Variants in NLGN1 observed in about 807,000 individuals in gnomAD.
NLGN1 encodes the protein neuroligin-1.
NLGN1 carries 12 observed loss-of-function variants against 65.5 expected under a neutral mutation model. The observed-to-expected ratio is 0.18, with a 90% CI of 0.12 to 0.30. NLGN1 has a LOEUF of 0.30. NLGN1 is among the 10% of genes least tolerant of loss of function. NLGN1 has a pLI of 1.00. For missense variants in NLGN1, 750 were observed against 1,007.1 expected (o/e 0.74, Z 3.46); for synonymous variants, 350 against 359.5 (o/e 0.97, Z 0.30).
chr3:174,206,308 C>T (rs945907539), intron 4 of NLGN1, among the ~76,000 whole-genome samples: 3 of 152,208 alleles, frequency 2.0e-5, no homozygotes, highest in Non-Finnish European at 4.4e-5. Flanking sequence ...AAATCAGATA[C>T]TGGGCTCGAG....
chr3:174,205,928 C>T (rs985205092), intron 4 of NLGN1, among the ~76,000 whole-genome samples: 2 of 152,138 alleles, frequency 1.3e-5, no homozygotes, highest in Non-Finnish European at 2.9e-5. Context: ...ATTCAGTGCC[C>T]AGCAACCAGA....
intron 4 of NLGN1, among the ~76,000 whole-genome samples, chr3:174,265,553 G>A (rs916170107): frequency 6.6e-5 from 10 of 151,670 alleles, no homozygotes; most frequent in African/African-American, 1.2e-4. Context: ...CACGGTGCGC[G>A]CACCCACTGA....
intron 4 of NLGN1, among the ~76,000 whole-genome samples, chr3:173,943,707 C>T (rs1746582917): frequency 6.6e-6 from 1 of 152,118 alleles, no homozygotes; most frequent in African/African-American, 2.4e-5. Context: ...ATTTTCTTCC[C>T]TGCCATTTTA....
At position 173,874,734 on chromosome 3, in the gene NLGN1, C is replaced by T. The variant is rs138208852; in HGVS notation, c.646+66902C>T. On this transcript the variant is annotated intron_variant, in intron 4 of 6. Coordinates refer to ENST00000457714, the Ensembl canonical transcript of NLGN1. ...AGAGAAATAATAACAGCATGATCTC[C>T]ACTGTATAAAAAGCTTAGGATTAGA... 4.2e-3 allele frequency among the ~76,000 whole-genome samples: 635 copies of T among 152,196 alleles called. 3 individuals are homozygous for T. The highest frequency in any genetic ancestry group is 6.5e-3 in the Admixed American group (100 of 15,280).
chr3:174,209,987 T>G lies in NLGN1; in HGVS notation c.647-65328T>G, dbSNP rs150650560. Among the ~76,000 whole-genome samples the G allele has an allele frequency of 2.6e-3, 392 of 152,260 alleles. 3 individuals carry two copies. The highest frequency in any genetic ancestry group is 8.9e-3 in the African/African-American group (368 of 41,558). ...CACCCTCATCCAAACCACAATGTCCTGGGCACCTTGGCATTATCTTTCTTT... is the reference window on the plus strand; with the variant it reads ...CACCCTCATCCAAACCACAATGTCCGGGGCACCTTGGCATTATCTTTCTTT... On this transcript the variant is annotated intron_variant, in intron 4 of 6. Transcript: ENST00000457714.
intron 2 of NLGN1, among the ~76,000 whole-genome samples, chr3:173,600,581 TA>T (rs1750333859): frequency 6.8e-6 from 1 of 147,820 alleles, no homozygotes; most frequent in Non-Finnish European, 1.5e-5. Flanking sequence ...AAGGTAGAAA[TA>T]AAAACATATC....
intron 4 of NLGN1, among the ~76,000 whole-genome samples, chr3:173,836,813 G>C (rs900522849): frequency 5.3e-5 from 8 of 152,266 alleles, no homozygotes; most frequent in Non-Finnish European, 7.4e-5. Flanking sequence ...AGTTAGAAGA[G>C]TGTGGCATTT....
chr3:173,494,026 A>T (rs1047272685), intron 2 of NLGN1, among the ~76,000 whole-genome samples: 4 of 151,416 alleles, frequency 2.6e-5, no homozygotes, highest in Non-Finnish European at 4.4e-5. Flanking sequence ...TATAATCCAG[A>T]CTTCTCTGGT....
chr3:173,566,435 G>C (rs1203483270), intron 2 of NLGN1, among the ~76,000 whole-genome samples: 1 of 152,062 alleles, frequency 6.6e-6, no homozygotes, highest in Non-Finnish European at 1.5e-5. Context: ...AATGATTTGG[G>C]AATTAAATAA....
chr3:173,878,162 C>A lies in NLGN1; in HGVS notation c.646+70330C>A, dbSNP rs543128252. Among the ~76,000 whole-genome samples, 15 of 152,176 alleles carry A rather than the reference C, an allele frequency of 9.9e-5. 1 individual carries two copies. Among genetic ancestry groups the A allele is most frequent in the African/African-American group, 2.9e-4 (12 of 41,528 alleles). On this transcript the variant is annotated intron_variant, in intron 4 of 6. Coordinates refer to ENST00000457714, the Ensembl canonical transcript of NLGN1. ...GTTCAAGCGATTCTCCTGCCTCAGCCTCCCAAGTAGCTAGGACTACAGGTG... is the reference window on the plus strand; with the variant it reads ...GTTCAAGCGATTCTCCTGCCTCAGCATCCCAAGTAGCTAGGACTACAGGTG...
At chr3:173,590,015 G>C (rs1474801011) in intron 2 of NLGN1, among the ~76,000 whole-genome samples, 1 of 152,090 alleles carries the variant, frequency 6.6e-6, no homozygotes, top group Admixed American at 6.5e-5. Context: ...ATTATCATTA[G>C]TAAAAGTTTT....
intron 4 of NLGN1, among the ~76,000 whole-genome samples, chr3:174,218,441 T>C (rs922333969): frequency 1.2e-4 from 19 of 152,054 alleles, no homozygotes; most frequent in African/African-American, 4.6e-4. Context: ...ATTTCTTGAT[T>C]CACCCAATAT....
chr3:173,694,691 A>G (rs1430857363), intron 3 of NLGN1, among the ~76,000 whole-genome samples: 2 of 152,150 alleles, frequency 1.3e-5, no homozygotes, highest in Non-Finnish European at 2.9e-5. Flanking sequence ...TCCAGCCTTC[A>G]TTGTAAATTG....
At chr3:174,015,570 G>C (rs1277013567) in intron 4 of NLGN1, among the ~76,000 whole-genome samples, 1 of 152,112 alleles carries the variant, frequency 6.6e-6, no homozygotes, top group Non-Finnish European at 1.5e-5. Flanking sequence ...TATGAATGTT[G>C]GGGGAACACA....
chr3:173,904,919 G>A (rs899439858), intron 4 of NLGN1, among the ~76,000 whole-genome samples: 1 of 152,140 alleles, frequency 6.6e-6, no homozygotes, highest in African/African-American at 2.4e-5. Flanking sequence ...CCAAGGGAGA[G>A]GGCCAACCTG....
chr3:174,212,717 A>G (rs1736919528), intron 4 of NLGN1, among the ~76,000 whole-genome samples: 1 of 152,246 alleles, frequency 6.6e-6, no homozygotes, highest in African/African-American at 2.4e-5. Flanking sequence ...AAACAACACA[A>G]AGTTATTTTA....
At chr3:173,917,870 T>TGTGTGTGTG (rs10530688) in intron 4 of NLGN1, among the ~76,000 whole-genome samples, 80 of 152,016 alleles carry the variant, frequency 5.3e-4, no homozygotes, top group African/African-American at 1.6e-3. Flanking sequence ...TGTGTGTGTG[T>TGTGTGTGTG]TGGCCTTTAT....
In NLGN1 at chr3:173,905,705, A is replaced by G. The variant is rs187911447; in HGVS notation, c.646+97873A>G. On this transcript the variant is annotated intron_variant, in intron 4 of 6. Coordinates refer to ENST00000457714, the Ensembl canonical transcript of NLGN1. ...AAATGTTTGGTAAAAATAACAGAAGACATGGATCCAGCAGCACTTTCCCTA... is the reference window on the plus strand; with the variant it reads ...AAATGTTTGGTAAAAATAACAGAAGGCATGGATCCAGCAGCACTTTCCCTA... 1.6e-3 allele frequency among the ~76,000 whole-genome samples: 240 copies of G among 152,312 alleles called. 1 individual carries two copies. Among genetic ancestry groups the G allele is most frequent in the Non-Finnish European group, 2.7e-3 (184 of 68,034 alleles).
At chr3:173,714,409 C>A (rs1362383123) in intron 3 of NLGN1, among the ~76,000 whole-genome samples, 1 of 152,038 alleles carries the variant, frequency 6.6e-6, no homozygotes, top group Admixed American at 6.6e-5. Context: ...TTAAGTGTAA[C>A]TATTATTATA....
Sources: allele counts gnomAD v4.1 joint callset (sites outside exome capture counted in the v4.1 genomes callset), GRCh38; gene constraint gnomAD v4.1.1; transcripts MANE v1.5; gene names NCBI Gene and HGNC (gene_info 2026-07-23, HGNC 2026-07-21).